The following STARD5 variants were observed in gnomAD, a reference collection of about 807,000 sequenced individuals.
STARD5 encodes the protein StAR related lipid transfer domain containing 5.
In STARD5, 26 loss-of-function variants were observed where a neutral mutation model predicts 24.6. The ratio of observed to expected loss-of-function variants is 1.06; its 90% CI spans 0.77 to 1.47. The LOEUF (loss-of-function observed/expected upper bound fraction) is 1.47, where lower values mean the gene tolerates loss of function less well. STARD5 is among the 40% of genes most tolerant of loss of function. STARD5 has a pLI of 0.00. For synonymous variants in STARD5, 101 were observed against 99.7 expected, an observed-to-expected ratio of 1.01 and a Z score of -0.07; for missense variants, 254 against 270.8, an observed-to-expected ratio of 0.94 and a Z score of 0.44.
rs202191175 is a variant in STARD5 at position 81,323,996 on chromosome 15, C to T, written c.99+5G>A. The T allele has an allele frequency of 2.5e-6, 4 of 1,592,178 alleles. No individual in the cohort carries two copies. Among genetic ancestry groups the T allele is most frequent in the Admixed American group, 3.5e-5 (2 of 57,918 alleles). On this transcript the variant is annotated splice_donor_5th_base_variant and intron_variant, in intron 1 of 5. Coordinates refer to ENST00000302824, the MANE Select transcript of STARD5 (RefSeq NM_181900.3). ...CGACCCCTTCCCGCCCAGCTCCTCA[C>T]TCACGCCTTCCCGGCAAATCTTCCA...
At chr15:81,316,060 G>A (rs1901076675) in intron 5 of STARD5, among the ~76,000 whole-genome samples, 1 of 152,074 alleles carries the variant, frequency 6.6e-6, no homozygotes, top group Admixed American at 6.5e-5. Flanking sequence ...CCTCTGTGCT[G>A]TTCCTCAAAG....
At chr15:81,319,082 G>A (rs1279686819) in intron 4 of STARD5, among the ~76,000 whole-genome samples, 1 of 150,334 alleles carries the variant, frequency 6.7e-6, no homozygotes, top group Non-Finnish European at 1.5e-5. Context: ...CACACACCAT[G>A]AGCTTCCGCA....
At chr15:81,313,492 G>A in intron 5 of STARD5, 89 bp from the exon 6 acceptor site, 1 of 1,285,502 alleles carries the variant, frequency 7.8e-7, no homozygotes, top group Non-Finnish European at 1.0e-6. Flanking sequence ...CCAGCCCAGT[G>A]GAAATGGCCA....
intron 4 of STARD5, 23 bp from the exon 5 acceptor site, chr15:81,318,525 G>A (rs767009698): frequency 6.2e-6 from 10 of 1,607,074 alleles, no homozygotes; most frequent in African/African-American, 2.7e-5. Flanking sequence ...GCAGAATCTC[G>A]GTGAGTTACA....
At chr15:81,321,079 T>G (rs1360346200) in intron 3 of STARD5, among the ~76,000 whole-genome samples, 1 of 152,248 alleles carries the variant, frequency 6.6e-6, no homozygotes, top group Non-Finnish European at 1.5e-5. Flanking sequence ...AATTCTCCAC[T>G]TTTTTGTAAA....
intron 5 of STARD5, among the ~76,000 whole-genome samples, chr15:81,314,893 G>GAAA (rs5814055): frequency 0.021 from 2,144 of 103,814 alleles, 122 homozygotes; most frequent in African/African-American, 0.065. Context: ...CCTCAAAAAA[G>GAAA]AAAAAAAAAA....
intron 3 of STARD5, among the ~76,000 whole-genome samples, chr15:81,321,527 T>G (rs889557806): frequency 6.6e-6 from 1 of 151,634 alleles, no homozygotes; most frequent in African/African-American, 2.4e-5. Context: ...GGAGAATCAC[T>G]TGAACCCAGG....
At chr15:81,314,551 C>G (rs1271148416) in intron 5 of STARD5, among the ~76,000 whole-genome samples, 1 of 152,192 alleles carries the variant, frequency 6.6e-6, no homozygotes, top group Non-Finnish European at 1.5e-5. Context: ...TTCCTGACAT[C>G]ATGCAGGCTA....
At chr15:81,322,266 C>T in intron 3 of STARD5, 142 bp downstream of exon 3, 1 of 1,119,876 alleles carries the variant, frequency 8.9e-7, no homozygotes, top group African/African-American at 1.5e-5. Context: ...GCCTCCAATG[C>T]TGCAAGCAGT....
chr15:81,321,001 T>C (rs1901183553), intron 3 of STARD5, among the ~76,000 whole-genome samples: 1 of 152,208 alleles, frequency 6.6e-6, no homozygotes, highest in South Asian at 2.1e-4. Context: ...GAAATGTCAG[T>C]CTGCAAGGAA....
chr15:81,314,893 GAAAAAAAA>G (rs5814055), intron 5 of STARD5, among the ~76,000 whole-genome samples: 2 of 104,048 alleles, frequency 1.9e-5, no homozygotes, highest in South Asian at 4.0e-4. Context: ...CCTCAAAAAA[GAAAAAAAA>G]AAAAAAAAAA....
rs1279149195 is a variant in STARD5, at chr15:81,312,940, T to C, written c.*316A>G. 5.6e-6 allele frequency: 1 copy of C among 178,174 alleles called. No individual in the cohort carries two copies. Among genetic ancestry groups the C allele is most frequent in the Admixed American group, 6.3e-5 (1 of 15,836 alleles). The allele number at this position is 178,174 out of a possible 1,614,324, so 11.0% of individuals were successfully genotyped here. ...CATAAAGCCTTGGTGCCAGAGTGCA[T>C]CGCATGGTGTCCAGGCCGAGTCTCT... is the stretch of plus-strand genomic sequence containing the variant. On this transcript the variant is annotated 3_prime_UTR_variant, in exon 6 of 6. Transcript: ENST00000302824.
At chr15:81,319,094 GAA>G (rs1167364151) in intron 4 of STARD5, among the ~76,000 whole-genome samples, 2 of 141,066 alleles carry the variant, frequency 1.4e-5, no homozygotes, top group African/African-American at 2.7e-5. Flanking sequence ...GCTTCCGCAG[GAA>G]AAAAAAAAAA....
chr15:81,318,332 C>T, intron 5 of STARD5, 77 bp downstream of exon 5: 3 of 1,212,964 alleles, frequency 2.5e-6, no homozygotes, highest in Non-Finnish European at 3.7e-6. Context: ...GTCAAAGTGC[C>T]CCTTTTCACA....
rs1441990148 is a variant in STARD5 at position 81,309,232 on chromosome 15, C to T, written c.*4024G>A. 1 of 159,688 alleles carries T rather than the reference C, an allele frequency of 6.3e-6. No homozygotes were observed. Among genetic ancestry groups the T allele is most frequent in the East Asian group, 1.9e-4 (1 of 5,346 alleles). 9.9% of individuals were successfully genotyped at this position (159,688 alleles called of 1,614,324 possible). A position where few individuals can be genotyped will look rare whatever the true frequency, so the allele number is the denominator to read the frequency against. ...GAATGGGCAGCTCATCTCTGTCCCA[C>T]TTGGCATCAGCTGGCGTCATGCAAA... On this transcript the variant is annotated 3_prime_UTR_variant, in exon 6 of 6. Transcript: ENST00000302824.
At position 81,319,221 on chromosome 15, in the gene STARD5, CAG is replaced by C. The variant is rs1043405916; in HGVS notation, c.400+116_400+117del. Reference sequence around the variant, plus strand: ...ACCCAACCAGATGAGGTAGGGGACTCAGAGTGTGAGTTTCTGGTGATTTCTGG... The same window carrying C: ...ACCCAACCAGATGAGGTAGGGGACTCAGTGTGAGTTTCTGGTGATTTCTGG... On this transcript the variant is annotated intron_variant, in intron 4 of 5. Transcript: ENST00000302824. The C allele has an allele frequency of 5.4e-6, 5 of 920,996 alleles. No homozygotes were observed. The African/African-American group carries it at 8.1e-5, about 15-fold the overall frequency. The allele number at this position is 920,996 out of a possible 1,614,324, so 57.1% of individuals were successfully genotyped here.
chr15:81,319,390 C>A lies in STARD5; in HGVS notation c.349G>T (p.Val117Leu). 1 of 1,614,238 alleles carries A rather than the reference C, an allele frequency of 6.2e-7. No individual in the cohort carries two copies. Among genetic ancestry groups the A allele is most frequent in the South Asian group, 1.1e-5 (1 of 91,084 alleles). Residue 117 changes from valine (V) to leucine (L), a missense_variant, in exon 4 of 6, where the codon GTG (valine) becomes TTG (leucine). Val to Leu is a conservative substitution (Grantham distance 32). Transcript: ENST00000302824. ...TATCTCTTGACTAGCACCAAGTCCA[C>A]AAAATCTCTGGGAGAAATGAGCTTC... ...AMKLISPRDF[V>L]DLVLVKRYED...
rs74894683 is a variant in STARD5, at chr15:81,322,879, T to C, written c.149+20A>G. 6.7e-5 allele frequency: 108 copies of C among 1,614,218 alleles called. No individual in the cohort carries two copies. In the African/African-American group the frequency reaches 1.4e-3, roughly 20 times the overall value. ...AGGGTGCGGCACCTCTGGTAATCTTTGAACGAGGCATGCACTTACAGGTTC... is the reference window on the plus strand; with the variant it reads ...AGGGTGCGGCACCTCTGGTAATCTTCGAACGAGGCATGCACTTACAGGTTC... On this transcript the variant is annotated intron_variant, in intron 2 of 5. Transcript: ENST00000302824.
At chr15:81,321,537 G>C (rs2141677937) in intron 3 of STARD5, among the ~76,000 whole-genome samples, 1 of 151,358 alleles carries the variant, frequency 6.6e-6, no homozygotes, top group African/African-American at 2.4e-5. Context: ...TTGAACCCAG[G>C]AGGCAGAGGC....
Sources: allele counts gnomAD v4.1 joint callset (sites outside exome capture counted in the v4.1 genomes callset), GRCh38; gene constraint gnomAD v4.1.1; transcripts MANE v1.5; gene names NCBI Gene and HGNC (gene_info 2026-07-23, HGNC 2026-07-21).